Variants in SVOPL observed in about 807,000 individuals in gnomAD.
SVOPL encodes the protein putative transporter SVOPL.
A neutral mutation model predicts 61.0 loss-of-function variants in SVOPL; 60 were observed. The observed-to-expected ratio is 0.98, with a 90% CI of 0.80 to 1.22. The LOEUF (loss-of-function observed/expected upper bound fraction) is 1.22. Among genes scored for constraint, SVOPL ranks in the 50% most tolerant of loss-of-function variants. The pLI is 0.00. For synonymous variants in SVOPL, 279 were observed against 250.0 expected (o/e 1.12, Z -1.09); for missense variants, 662 against 643.9 (o/e 1.03, Z -0.30).
chr7:138,657,133 TG>T (rs1801781900), intron 6 of SVOPL, among the ~76,000 whole-genome samples: 1 of 138,212 alleles, frequency 7.2e-6, no homozygotes, highest in African/African-American at 2.8e-5. Context: ...TTTTCTTATT[TG>T]TTTATTTATT....
At chr7:138,654,447 A>G (rs185740659) in intron 7 of SVOPL, among the ~76,000 whole-genome samples, 160 of 152,034 alleles carry the variant, frequency 1.1e-3, no homozygotes, top group African/African-American at 3.8e-3. Context: ...TAGAAATAGA[A>G]CAACAAAACC....
intron 9 of SVOPL, among the ~76,000 whole-genome samples, chr7:138,643,297 C>A (rs544336224): frequency 6.6e-6 from 1 of 151,774 alleles, no homozygotes; most frequent in Admixed American, 6.6e-5. Context: ...TGGTGGCAGG[C>A]GCCTGTAGTC....
intron 15 of SVOPL, 80 bp from the exon 16 acceptor site, chr7:138,594,701 A>G: frequency 6.9e-6 from 7 of 1,011,294 alleles, no homozygotes; most frequent in Non-Finnish European, 8.4e-6. Context: ...CTGATATTTT[A>G]GTAATAGAAG....
chr7:138,635,656 A>G (rs557023094), intron 9 of SVOPL, among the ~76,000 whole-genome samples: 3 of 152,266 alleles, frequency 2.0e-5, no homozygotes, highest in South Asian at 4.1e-4. Context: ...CCAGGGATGA[A>G]CACGTGGAGA....
intron 12 of SVOPL, 191 bp from the exon 13 acceptor site, chr7:138,626,241 G>A (rs1000044720): frequency 1.7e-6 from 1 of 592,768 alleles, no homozygotes; most frequent in East Asian, 2.9e-5. Context: ...TACTCCCACT[G>A]CCTTCTCCAT....
At position 138,597,641 on chromosome 7, in the gene SVOPL, C is replaced by CGTGTGTGTGTGTGTGTGTGTGTGTGT. The variant is rs60875635; in HGVS notation, c.1354-1137_1354-1112dup. ...CAAACAGGAGTTTGTATAACGTCTG[C>CGTGTGTGTGTGTGTGTGTGTGTGTGT]GTGTGTGTGTGTGTGTGTGTGTGTG... On this transcript the variant is annotated intron_variant, in intron 14 of 15. Transcript: ENST00000674285. 5.0e-4 allele frequency among the ~76,000 whole-genome samples: 74 copies of CGTGTGTGTGTGTGTGTGTGTGTGTGT among 147,610 alleles called. 1 individual carries two copies. The highest frequency in any genetic ancestry group is 1.5e-3 in the African/African-American group (62 of 40,014).
intron 13 of SVOPL, among the ~76,000 whole-genome samples, chr7:138,623,801 T>C (rs1799778406): frequency 6.6e-6 from 1 of 152,150 alleles, no homozygotes; most frequent in Non-Finnish European, 1.5e-5. Context: ...TTCTTAACTA[T>C]GCAAAATTAT....
At chr7:138,645,479 C>T (rs558786019) in intron 8 of SVOPL, among the ~76,000 whole-genome samples, 2 of 152,236 alleles carry the variant, frequency 1.3e-5, no homozygotes, top group East Asian at 3.9e-4. Flanking sequence ...GGCCAGAGGG[C>T]AGTTTGGGTC....
chr7:138,667,248 T>G (rs1417645082), intron 4 of SVOPL, among the ~76,000 whole-genome samples: 2 of 152,202 alleles, frequency 1.3e-5, no homozygotes, highest in African/African-American at 2.4e-5. Flanking sequence ...CAATCTTATG[T>G]CAAAGTATTA....
intron 14 of SVOPL, among the ~76,000 whole-genome samples, chr7:138,613,744 G>A (rs1799161276): frequency 1.3e-5 from 2 of 152,146 alleles, no homozygotes; most frequent in South Asian, 4.1e-4. Flanking sequence ...CAACTTGAAT[G>A]TAAGCCTCTT....
intron 9 of SVOPL, among the ~76,000 whole-genome samples, chr7:138,637,323 G>A (rs1800514341): frequency 6.6e-6 from 1 of 151,708 alleles, no homozygotes; most frequent in African/African-American, 2.4e-5. Flanking sequence ...AGCTACTCAG[G>A]AGGCTGAAGC....
chr7:138,616,168 A>G (rs1799290295), intron 14 of SVOPL, among the ~76,000 whole-genome samples: 1 of 152,182 alleles, frequency 6.6e-6, no homozygotes, highest in East Asian at 1.9e-4. Flanking sequence ...TTCTGTTTTT[A>G]TAAGCCACCC....
chr7:138,629,125 ATATG>A (rs1263929149), intron 10 of SVOPL, among the ~76,000 whole-genome samples: 18 of 64,200 alleles, frequency 2.8e-4, no homozygotes, highest in African/African-American at 1.3e-3. Flanking sequence ...CATGTTTTAT[ATATG>A]TGTGTGTGTG....
intron 14 of SVOPL, among the ~76,000 whole-genome samples, chr7:138,617,451 T>G (rs1799351659): frequency 6.6e-6 from 1 of 152,044 alleles, no homozygotes; most frequent in African/African-American, 2.4e-5. Flanking sequence ...AAGAATTAAG[T>G]GAAAGGAAGA....
intron 14 of SVOPL, among the ~76,000 whole-genome samples, chr7:138,601,144 T>C (rs888067996): frequency 3.4e-5 from 5 of 148,318 alleles, no homozygotes; most frequent in Non-Finnish European, 7.4e-5. Flanking sequence ...CCCAGCTACT[T>C]GGGAGGCTGA....
chr7:138,636,467 A>C (rs1439372743), intron 9 of SVOPL, among the ~76,000 whole-genome samples: 1 of 146,576 alleles, frequency 6.8e-6, no homozygotes, highest in Non-Finnish European at 1.5e-5. Context: ...AAACTCTCAT[A>C]GGATTTTTCT....
intron 6 of SVOPL, 42 bp from the exon 7 acceptor site, chr7:138,656,553 A>T (rs369555341): frequency 1.3e-6 from 2 of 1,597,346 alleles, no homozygotes; most frequent in Non-Finnish European, 1.7e-6. Flanking sequence ...GTTTTAAAAA[A>T]CTAAATCATC....
At chr7:138,622,137 T>TCGACA (rs1563096355) in intron 13 of SVOPL, among the ~76,000 whole-genome samples, 1 of 134,642 alleles carries the variant, frequency 7.4e-6, no homozygotes, top group South Asian at 2.4e-4. Flanking sequence ...TATCTATCTA[T>TCGACA]GTATCTATCT....
intron 1 of SVOPL, chr7:138,689,222 T>C (rs1802885348): frequency 7.0e-7 from 1 of 1,423,120 alleles, no homozygotes; most frequent in Non-Finnish European, 9.9e-7. Context: ...GGACACAAGG[T>C]TGGTGGCCCA....
Sources: allele counts gnomAD v4.1 joint callset (sites outside exome capture counted in the v4.1 genomes callset), GRCh38; gene constraint gnomAD v4.1.1; transcripts MANE v1.5; gene names NCBI Gene and HGNC (gene_info 2026-07-23, HGNC 2026-07-21).